The following SUPT3H variants were observed in gnomAD, a reference collection of about 807,000 sequenced individuals.
SUPT3H encodes the protein SPT3 homolog, SAGA and STAGA complex component.
In SUPT3H, 44 loss-of-function variants were observed where a neutral mutation model predicts 44.3. The observed-to-expected ratio is 0.99, with a 90% CI of 0.78 to 1.28. The LOEUF (loss-of-function observed/expected upper bound fraction) is 1.28, where lower values mean the gene tolerates loss of function less well. Among genes scored for constraint, SUPT3H ranks in the 50% most tolerant of loss-of-function variants. The pLI is 0.00. For missense variants in SUPT3H, 380 were observed against 387.1 expected, an observed-to-expected ratio of 0.98 and a Z score of 0.15; for synonymous variants, 124 against 125.6, an observed-to-expected ratio of 0.99 and a Z score of 0.09.
chr6:45,285,847 C>A (rs531026167), intron 2 of SUPT3H, among the ~76,000 whole-genome samples: 8 of 152,130 alleles, frequency 5.3e-5, no homozygotes, highest in African/African-American at 1.7e-4. Flanking sequence ...TCAAACTATA[C>A]TACAAGGTGA....
chr6:44,883,775 A>T (rs1444892343), intron 10 of SUPT3H, among the ~76,000 whole-genome samples: 4 of 152,190 alleles, frequency 2.6e-5, no homozygotes, highest in Admixed American at 2.6e-4. Context: ...TGGGGAAAGG[A>T]TTCCCTATTT....
intron 3 of SUPT3H, among the ~76,000 whole-genome samples, chr6:45,050,127 A>G (rs1244817906): frequency 1.3e-5 from 2 of 152,192 alleles, no homozygotes; most frequent in African/African-American, 4.8e-5. Context: ...TTATCTCCTG[A>G]GTAAAATCTC....
At chr6:45,178,217 G>C (rs1374548313) in intron 2 of SUPT3H, among the ~76,000 whole-genome samples, 2 of 152,156 alleles carry the variant, frequency 1.3e-5, no homozygotes, top group East Asian at 1.9e-4. Context: ...TAAAAGGATA[G>C]AGGAAGATCT....
At chr6:45,175,897 G>A (rs1217536348) in intron 2 of SUPT3H, among the ~76,000 whole-genome samples, 1 of 152,126 alleles carries the variant, frequency 6.6e-6, no homozygotes, top group Non-Finnish European at 1.5e-5. Flanking sequence ...TTGCTAGACT[G>A]GCTGATTTCC....
chr6:45,175,631 A>G (rs1157339648), intron 2 of SUPT3H, among the ~76,000 whole-genome samples: 2 of 152,168 alleles, frequency 1.3e-5, no homozygotes, highest in Non-Finnish European at 2.9e-5. Context: ...TGAGTTTATT[A>G]AATAAACTAA....
chr6:45,014,049 A>ACTGGG, intron 5 of SUPT3H, among the ~76,000 whole-genome samples: 1 of 152,196 alleles, frequency 6.6e-6, no homozygotes, highest in East Asian at 1.9e-4. Context: ...AATGTGTTTC[A>ACTGGG]CTGGGGAGAG....
rs1047510128 is a variant in SUPT3H, at chr6:44,956,101, G to T, written c.581-1494C>A. The stretch of plus-strand genomic sequence containing the variant: ...GGAGCCACTGCACTCCAGCCTGGGC[G>T]AGTGCGAGACTCCGTCTCAAAAAAA... On this transcript the variant is annotated intron_variant, in intron 7 of 10. Transcript: ENST00000371459. Among the ~76,000 whole-genome samples, 4 of 148,402 alleles carry T rather than the reference G, an allele frequency of 2.7e-5. No individual in the cohort carries two copies. The Admixed American group carries it at 2.7e-4, about 10-fold the overall frequency.
chr6:45,265,908 C>T (rs1209341186), intron 2 of SUPT3H, among the ~76,000 whole-genome samples: 2 of 151,998 alleles, frequency 1.3e-5, no homozygotes, highest in South Asian at 2.1e-4. Flanking sequence ...AATGTATCTA[C>T]CAAAAAGTGA....
At chr6:45,146,860 T>C (rs1806167057) in intron 2 of SUPT3H, among the ~76,000 whole-genome samples, 1 of 152,102 alleles carries the variant, frequency 6.6e-6, no homozygotes, top group South Asian at 2.1e-4. Context: ...TAAGCAAAGA[T>C]GCTCCAGAGC....
chr6:44,882,158 A>C (rs2153435339), intron 10 of SUPT3H, among the ~76,000 whole-genome samples: 1 of 152,352 alleles, frequency 6.6e-6, no homozygotes, highest in African/African-American at 2.4e-5. Context: ...AAAGAATAAA[A>C]GACAGAAGAA....
rs765270979 is a variant in SUPT3H at position 45,230,660 on chromosome 6, G to GCATATATATATATATATA, written c.102-124655_102-124654insTATATATATATATATATG. On this transcript the variant is annotated intron_variant, in intron 2 of 10. Coordinates refer to ENST00000371459, the MANE Select transcript of SUPT3H (RefSeq NM_003599.4). ...TGAAATCATGTTTTAAATTCATTCA[G>GCATATATATATATATATA]TCTATATATATATATATATATATAT... Among the ~76,000 whole-genome samples, 338 of 51,038 alleles carry GCATATATATATATATATA rather than the reference G, an allele frequency of 6.6e-3. 61 individuals carry two copies. Among genetic ancestry groups the GCATATATATATATATATA allele is most frequent in the Middle Eastern group, 0.019 (2 of 106 alleles). The allele number at this position is 51,038 out of a possible 152,430, so 33.5% of individuals were successfully genotyped here.
At chr6:45,228,503 T>C (rs1292970716) in intron 2 of SUPT3H, among the ~76,000 whole-genome samples, 1 of 152,170 alleles carries the variant, frequency 6.6e-6, no homozygotes, top group African/African-American at 2.4e-5. Flanking sequence ...CAGATTCAAA[T>C]TGGTATGTTG....
At chr6:45,018,462 A>G (rs1206505637) in intron 4 of SUPT3H, among the ~76,000 whole-genome samples, 1 of 151,932 alleles carries the variant, frequency 6.6e-6, no homozygotes, top group East Asian at 1.9e-4. Context: ...TTGCCCATTC[A>G]GTATGATATT....
chr6:45,221,058 T>A (rs989089098), intron 2 of SUPT3H, among the ~76,000 whole-genome samples: 1 of 152,044 alleles, frequency 6.6e-6, no homozygotes, highest in Non-Finnish European at 1.5e-5. Flanking sequence ...AAATGATGAG[T>A]TCATGTCCTT....
At chr6:45,142,977 A>G (rs1295867121) in intron 2 of SUPT3H, among the ~76,000 whole-genome samples, 1 of 152,074 alleles carries the variant, frequency 6.6e-6, no homozygotes, top group Non-Finnish European at 1.5e-5. Context: ...GGGACATTAC[A>G]TAATAAAAGA....
intron 10 of SUPT3H, among the ~76,000 whole-genome samples, chr6:44,851,099 G>A (rs916219664): frequency 2.6e-5 from 4 of 151,980 alleles, no homozygotes; most frequent in African/African-American, 9.7e-5. Context: ...AAGGACTTGG[G>A]GATTTTTCTA....
intron 2 of SUPT3H, among the ~76,000 whole-genome samples, chr6:45,230,686 A>ATATATATATATT (rs796866510): frequency 1.6e-4 from 19 of 116,820 alleles, no homozygotes; most frequent in African/African-American, 5.3e-4. Context: ...ATATATATAT[A>ATATATATATATT]TTTTTGAGAT....
intron 3 of SUPT3H, among the ~76,000 whole-genome samples, chr6:45,046,512 G>A (rs1271059930): frequency 6.6e-6 from 1 of 152,080 alleles, no homozygotes; most frequent in Non-Finnish European, 1.5e-5. Flanking sequence ...TGTATTTTTA[G>A]TAGAGAGGAA....
intron 2 of SUPT3H, among the ~76,000 whole-genome samples, chr6:45,360,821 G>A (rs970993384): frequency 2.0e-5 from 3 of 152,168 alleles, no homozygotes; most frequent in African/African-American, 7.2e-5. Flanking sequence ...AGACCTAAAC[G>A]TAGGTAGCTT....
Sources: allele counts gnomAD v4.1 joint callset (sites outside exome capture counted in the v4.1 genomes callset), GRCh38; gene constraint gnomAD v4.1.1; transcripts MANE v1.5; gene names NCBI Gene and HGNC (gene_info 2026-07-23, HGNC 2026-07-21).